Variants in HERC1 observed in about 807,000 individuals in gnomAD.
HERC1 encodes the protein probable E3 ubiquitin-protein ligase HERC1.
HERC1 carries 160 observed loss-of-function variants against 554.3 expected under a neutral mutation model. That is an observed-to-expected ratio of 0.29 (90% CI 0.25 to 0.33). HERC1 has a LOEUF of 0.33. HERC1 is among the 10% of genes least tolerant of loss of function. The pLI is 1.00. For missense variants in HERC1, 4,919 were observed against 5,918.5 expected, an observed-to-expected ratio of 0.83 and a Z score of 5.54; for synonymous variants, 2,175 against 2,131.7, an observed-to-expected ratio of 1.02 and a Z score of -0.56.
At position 63,713,600 on chromosome 15, in the gene HERC1, T is replaced by C. The variant is rs778980511; in HGVS notation, c.4216A>G (p.Ser1406Gly). 6.2e-7 allele frequency: 1 copy of C among 1,613,692 alleles called. No homozygotes were observed. The highest frequency in any genetic ancestry group is 8.5e-7 in the Non-Finnish European group (1 of 1,179,772). Reference protein sequence around the residue: ...ARSRDRDRMNSGAGSGARADD... With the variant: ...ARSRDRDRMNGGAGSGARADD... ...GCTCGAGCCCCAGACCCTGCCCCAC[T>C]GTTCATTCTATCTCGGTCTCGGCTA... The change falls in exon 23 of 78, where the codon AGT (serine) becomes GGT (glycine). Residue 1406 changes from serine to glycine, a missense_variant. By Grantham distance (56) the Ser-to-Gly change is moderately conservative (BLOSUM62 0). Around this residue, in one of 11 missense-constraint regions of HERC1, gnomAD observed 1,121 missense variants for 1,244.0 expected, o/e 0.90. Transcript: ENST00000443617.
intron 1 of HERC1, among the ~76,000 whole-genome samples, chr15:63,823,492 T>C: frequency 6.6e-6 from 1 of 152,136 alleles, no homozygotes; most frequent in African/African-American, 2.4e-5. Flanking sequence ...ACCTAACTGG[T>C]AGAAGGAAGA....
At chr15:63,789,774 C>G (rs1337007107) in intron 1 of HERC1, among the ~76,000 whole-genome samples, 1 of 145,088 alleles carries the variant, frequency 6.9e-6, no homozygotes, top group African/African-American at 2.6e-5. Flanking sequence ...GTCTCTCCAG[C>G]CTGGGCGACC....
chr15:63,799,137 G>A (rs913429861), intron 1 of HERC1, among the ~76,000 whole-genome samples: 19 of 152,180 alleles, frequency 1.2e-4, no homozygotes, highest in African/African-American at 4.6e-4. Flanking sequence ...AAACTCTGTA[G>A]CTTAGCAGAG....
At chr15:63,787,357 A>G (rs1057078110) in intron 1 of HERC1, among the ~76,000 whole-genome samples, 5 of 151,492 alleles carry the variant, frequency 3.3e-5, no homozygotes, top group African/African-American at 9.7e-5. Context: ...GGGTTTCACA[A>G]TGTTGGCTAG....
chr15:63,768,145 G>A (rs998389218), intron 2 of HERC1, among the ~76,000 whole-genome samples: 2 of 152,178 alleles, frequency 1.3e-5, no homozygotes, highest in Non-Finnish European at 2.9e-5. Context: ...TCAGATCTCT[G>A]ATTCTATTCG....
At chr15:63,679,911 T>C (rs1360568513) in intron 36 of HERC1, among the ~76,000 whole-genome samples, 166 bp downstream of exon 36, 1 of 152,240 alleles carries the variant, frequency 6.6e-6, no homozygotes, top group East Asian at 1.9e-4. Flanking sequence ...AATATTAATA[T>C]ATCGTAAAGT....
chr15:63,687,079 A>C (rs1415950056), intron 33 of HERC1, among the ~76,000 whole-genome samples: 1 of 152,212 alleles, frequency 6.6e-6, no homozygotes, highest in Admixed American at 6.5e-5. Flanking sequence ...CTTGTGTGTC[A>C]TATTGTTTGA....
intron 12 of HERC1, among the ~76,000 whole-genome samples, chr15:63,744,955 C>T (rs958697495): frequency 1.3e-5 from 2 of 152,134 alleles, no homozygotes; most frequent in South Asian, 2.1e-4. Flanking sequence ...ATGGGCTCTT[C>T]GGTTAGCAGG....
At chr15:63,791,038 G>A (rs1406183918) in intron 1 of HERC1, among the ~76,000 whole-genome samples, 2 of 152,018 alleles carry the variant, frequency 1.3e-5, no homozygotes, top group African/African-American at 4.8e-5. Context: ...TATCTATCAC[G>A]CTTCTAACTA....
intron 33 of HERC1, among the ~76,000 whole-genome samples, chr15:63,688,681 G>C (rs1299978975): frequency 6.6e-6 from 1 of 152,128 alleles, no homozygotes; most frequent in Non-Finnish European, 1.5e-5. Flanking sequence ...TATCAAAGTA[G>C]GAGAACCAGG....
intron 1 of HERC1, among the ~76,000 whole-genome samples, chr15:63,799,847 T>C (rs900538434): frequency 6.6e-6 from 1 of 152,068 alleles, no homozygotes; most frequent in African/African-American, 2.4e-5. Flanking sequence ...CAAGGTACTC[T>C]AAAACATGGC....
At chr15:63,772,085 A>C (rs2075972773) in intron 2 of HERC1, among the ~76,000 whole-genome samples, 1 of 151,592 alleles carries the variant, frequency 6.6e-6, no homozygotes, top group Non-Finnish European at 1.5e-5. Context: ...TCACGCCACT[A>C]CACTCCAGCC....
chr15:63,695,750 G>A (rs1294526805), intron 27 of HERC1, among the ~76,000 whole-genome samples: 1 of 148,832 alleles, frequency 6.7e-6, no homozygotes, highest in African/African-American at 2.5e-5. Context: ...AAGACATAAA[G>A]ATAACATTTT....
At chr15:63,821,959 A>G (rs905101626) in intron 1 of HERC1, among the ~76,000 whole-genome samples, 6 of 151,916 alleles carry the variant, frequency 3.9e-5, no homozygotes, top group African/African-American at 1.5e-4. Context: ...TAAGTGCCAT[A>G]AAAAAAAGTA....
chr15:63,807,272 T>A (rs2077167054), intron 1 of HERC1, among the ~76,000 whole-genome samples: 1 of 152,182 alleles, frequency 6.6e-6, no homozygotes. Context: ...GCCCAAGTTC[T>A]CTTCTTACTT....
At chr15:63,765,427 A>T (rs1028043521) in intron 2 of HERC1, among the ~76,000 whole-genome samples, 1 of 152,138 alleles carries the variant, frequency 6.6e-6, no homozygotes, top group Non-Finnish European at 1.5e-5. Context: ...TGAAGAACTG[A>T]TTCAGGCCAG....
intron 40 of HERC1, 51 bp downstream of exon 40, chr15:63,669,487 C>A: frequency 6.4e-7 from 1 of 1,562,744 alleles, no homozygotes; most frequent in Non-Finnish European, 8.8e-7. Flanking sequence ...TAAAGTCCCA[C>A]ACATCTGGAA....
intron 54 of HERC1, among the ~76,000 whole-genome samples, chr15:63,648,576 C>T (rs1180945253): frequency 1.3e-5 from 2 of 152,282 alleles, no homozygotes; most frequent in East Asian, 1.9e-4. Context: ...AAGAAAATTA[C>T]ATCTCTTTTT....
At position 63,674,958 on chromosome 15, in the gene HERC1, G is replaced by A; in HGVS notation, c.7230C>T (p.Ser2410=). 1 of 1,613,978 alleles carries A rather than the reference G, an allele frequency of 6.2e-7. No individual in the cohort carries two copies. The highest frequency in any genetic ancestry group is 8.5e-7 in the Non-Finnish European group (1 of 1,179,882). ...TGVHEDMGKQ[S]TKRHEKKHRH... Reference sequence around the variant, plus strand: ...GGTGTTTCTTTTCATGTCGTTTGGTGCTCTGTTTGCCCATGTCTTCATGAA... The same window carrying A: ...GGTGTTTCTTTTCATGTCGTTTGGTACTCTGTTTGCCCATGTCTTCATGAA... The change falls in exon 38 of 78, where the codon AGC becomes AGT. Residue 2410 remains serine (S), a synonymous_variant. Transcript: ENST00000443617.
Sources: gnomAD v4.1 joint callset for allele counts (sites outside exome capture counted in the v4.1 genomes callset) on GRCh38, gnomAD v4.1.1 for gene constraint, gnomAD v4.1.1 regional missense constraint, MANE v1.5 for transcripts, NCBI Gene and HGNC (gene_info 2026-07-23, HGNC 2026-07-21) for gene names.